The following ZNF726 variants were observed in gnomAD, a reference collection of about 807,000 sequenced individuals.
ZNF726 encodes the protein zinc finger protein 726.
Under a neutral mutation model 11.6 loss-of-function variants are expected in ZNF726, and 15 were observed. The observed-to-expected ratio is 1.29, with a 90% CI of 0.86 to 1.99. The LOEUF (loss-of-function observed/expected upper bound fraction) is 1.99. Among genes scored for constraint, ZNF726 ranks in the 30% most tolerant of loss-of-function variants. ZNF726 has a pLI of 0.00. For missense variants in ZNF726, 890 were observed against 725.6 expected, an observed-to-expected ratio of 1.23 and a Z score of -2.60; for synonymous variants, 295 against 243.6, an observed-to-expected ratio of 1.21 and a Z score of -1.96.
In ZNF726 at chr19:23,925,957, C is replaced by T. The variant is rs113047321; in HGVS notation, c.226+5875C>T. Among the ~76,000 whole-genome samples the T allele has an allele frequency of 3.9e-3, 594 of 151,938 alleles. 3 individuals carry two copies. Among genetic ancestry groups the T allele is most frequent in the African/African-American group, 0.013 (543 of 41,446 alleles). On this transcript the variant is annotated intron_variant, in intron 3 of 3. Coordinates refer to ENST00000594466, the MANE Select transcript of ZNF726 (RefSeq NM_001244038.2). ...GTCTGGAACACCTGTCCTCGTGATCCGCCTGCCTCTGCCTTTCAGTGTGCT... is the reference window on the plus strand; with the variant it reads ...GTCTGGAACACCTGTCCTCGTGATCTGCCTGCCTCTGCCTTTCAGTGTGCT...
At chr19:23,919,774 A>C in intron 2 of ZNF726, 1 of 456,220 alleles carries the variant, frequency 2.2e-6, no homozygotes, top group East Asian at 5.5e-5. Flanking sequence ...TCCAAGTGCC[A>C]TTACCAATTT....
At chr19:23,930,442 G>A (rs1025338093) in intron 3 of ZNF726, among the ~76,000 whole-genome samples, 5 of 151,874 alleles carry the variant, frequency 3.3e-5, no homozygotes, top group Non-Finnish European at 5.9e-5. Context: ...TCCATTAATT[G>A]TGTTTTGATT....
intron 1 of ZNF726, among the ~76,000 whole-genome samples, chr19:23,918,823 G>A (rs1967768973): frequency 2.0e-5 from 3 of 151,208 alleles, no homozygotes; most frequent in Non-Finnish European, 1.5e-5. Context: ...AAAAAAACAC[G>A]ACTCTTCCAC....
At chr19:23,928,830 C>T (rs1968043123) in intron 3 of ZNF726, 1 of 152,130 alleles carries the variant, frequency 6.6e-6, no homozygotes, top group Non-Finnish European at 1.5e-5. Flanking sequence ...ATAGGTCTCA[C>T]TCTGTCAACC....
At position 23,932,993 on chromosome 19, in the gene ZNF726, G is replaced by T. The variant is rs753351052; in HGVS notation, c.877G>T (p.Ala293Ser). 1.2e-6 allele frequency: 2 copies of T among 1,612,672 alleles called. No homozygotes were observed. The highest frequency in any genetic ancestry group is 3.3e-5 in the Admixed American group (2 of 59,908). ...CTGCAAATGTGAAGAATGTGGCAAA[G>T]CATTTAGCCAACCCTCAGCACTAAC... ...KPCKCEECGK[A>S]FSQPSALTIH... Residue 293 changes from alanine (A) to serine (S), a missense_variant, in exon 4 of 4, where the codon GCA (alanine) becomes TCA (serine). Coordinates refer to ENST00000594466, the MANE Select transcript of ZNF726 (RefSeq NM_001244038.2).
chr19:23,924,217 A>AT (rs77938116), intron 3 of ZNF726, among the ~76,000 whole-genome samples: 41,565 of 137,712 alleles, frequency 0.3, 6,003 homozygotes, highest in Middle Eastern at 0.43. Context: ...CTAATTTTGT[A>AT]TTTTTTTTTT....
chr19:23,943,494 G>A (rs775135497), exon 4 of ZNF726: 3 of 621,400 alleles, frequency 4.8e-6, no homozygotes, highest in Non-Finnish European at 9.0e-6. Flanking sequence ...AACAAAACAG[G>A]CCTTGCTGTC....
chr19:23,933,834 C>A lies in ZNF726; in HGVS notation c.1718C>A (p.Ala573Glu). 1 of 1,599,906 alleles carries A rather than the reference C, an allele frequency of 6.3e-7. No homozygotes were observed. Among genetic ancestry groups the A allele is most frequent in the Non-Finnish European group, 8.5e-7 (1 of 1,173,532 alleles). ...KPYKCEECGK[A>E]FNRSSNLSTH... ...TACAAGTGTGAAGAATGTGGAAAAG[C>A]GTTTAATCGATCCTCAAATCTTAGT... Residue 573 changes from alanine (A) to glutamate (E), a missense_variant, in exon 4 of 4, where the codon GCG becomes GAG. Transcript: ENST00000594466.
intron 1 of ZNF726, among the ~76,000 whole-genome samples, chr19:23,915,242 G>C (rs1967668899): frequency 6.6e-6 from 1 of 152,144 alleles, no homozygotes; most frequent in Non-Finnish European, 1.5e-5. Flanking sequence ...TCTTTGGGCA[G>C]CTCTGCACCA....
Position 23,933,992 on chromosome 19 carries a change from ATG to A in ZNF726, c.*28_*29del. On this transcript the variant is annotated 3_prime_UTR_variant, in exon 4 of 4. Transcript: ENST00000594466. ...AGAGAAACCTTAAAAAGGGTAAAGA[ATG>A]TGGCAAAGCATTTATATGGTCCTCA... The A allele has an allele frequency of 1.1e-5, 18 of 1,579,466 alleles. No homozygotes were observed. The highest frequency in any genetic ancestry group is 1.5e-5 in the Non-Finnish European group (17 of 1,161,088).
intron 3 of ZNF726, among the ~76,000 whole-genome samples, chr19:23,925,535 C>A (rs1329193291): frequency 6.6e-6 from 1 of 151,836 alleles, no homozygotes; most frequent in Non-Finnish European, 1.5e-5. Flanking sequence ...TTGGTGTTTT[C>A]AAAAAATTGA....
In ZNF726 at chr19:23,933,001, C is replaced by G. The variant is rs1968145873; in HGVS notation, c.885C>G (p.Ser295Arg). ...GTGAAGAATGTGGCAAAGCATTTAG[C>G]CAACCCTCAGCACTAACCATACATA... The part of the protein sequence containing the change: ...CKCEECGKAF[S>R]QPSALTIHKR... Residue 295 changes from serine (S) to arginine (R), a missense_variant, in exon 4 of 4, where the codon AGC becomes AGG. Transcript: ENST00000594466. 1.2e-6 allele frequency: 2 copies of G among 1,608,648 alleles called. No homozygotes were observed. The highest frequency in any genetic ancestry group is 2.2e-5 in the South Asian group (2 of 90,796).
chr19:23,927,686 T>C (rs143762786), intron 3 of ZNF726: 11 of 152,288 alleles, frequency 7.2e-5, no homozygotes, highest in Admixed American at 2.6e-4. Context: ...GGGATAGAGT[T>C]GCCCAGGCTG....
chr19:23,933,233 G>A lies in ZNF726; in HGVS notation c.1117G>A (p.Glu373Lys), dbSNP rs1968155981. ...TGGAGAGAAACCCTACAAATGTGAA[G>A]AATGTGGCAAAGCATTTATATGGCC... Reference protein sequence around the residue: ...HTGEKPYKCEECGKAFIWPST... With the variant: ...HTGEKPYKCEKCGKAFIWPST... The change falls in exon 4 of 4, where the codon GAA becomes AAA. Residue 373 changes from glutamate (E) to lysine (K), a missense_variant. By Grantham distance (56) the Glu-to-Lys change is moderately conservative. Transcript: ENST00000594466. 1 of 1,613,238 alleles carries A rather than the reference G, an allele frequency of 6.2e-7. No homozygotes were observed. The highest frequency in any genetic ancestry group is 8.5e-7 in the Non-Finnish European group (1 of 1,179,980).
At chr19:23,936,366 GTTATAA>G (rs548849854), downstream of ZNF726, among the ~76,000 whole-genome samples, 390 of 152,234 alleles carry the variant, frequency 2.6e-3, 1 homozygote, top group African/African-American at 8.7e-3. Context: ...TTTTTGGAGA[GTTATAA>G]TTACAATCAA....
intron 4 of ZNF726, chr19:23,944,612 G>C (rs1164495793): frequency 5.9e-6 from 1 of 169,124 alleles, no homozygotes; most frequent in South Asian, 1.9e-4. Flanking sequence ...TATTCTGTAG[G>C]TTGCCTATTT....
intron 3 of ZNF726, chr19:23,921,449 C>T (rs1486082487): frequency 6.6e-6 from 1 of 152,102 alleles, no homozygotes; most frequent in Non-Finnish European, 1.5e-5. Flanking sequence ...GGAATTTTGA[C>T]AGGGAGTTTA....
intron 2 of ZNF726, 62 bp downstream of exon 2, chr19:23,919,561 G>A (rs1477097626): frequency 7.4e-6 from 11 of 1,494,766 alleles, no homozygotes; most frequent in Non-Finnish European, 9.8e-6. Context: ...TTCTTTTGTA[G>A]TATGTTTTCT....
chr19:23,927,993 G>A (rs1377442892), intron 3 of ZNF726: 1 of 152,162 alleles, frequency 6.6e-6, no homozygotes, highest in Non-Finnish European at 1.5e-5. Flanking sequence ...CTGGTGGGAG[G>A]TGTTTGGGTC....
Sources: allele counts gnomAD v4.1 joint callset (sites outside exome capture counted in the v4.1 genomes callset), GRCh38; gene constraint gnomAD v4.1.1; transcripts MANE v1.5; gene names NCBI Gene and HGNC (gene_info 2026-07-23, HGNC 2026-07-21).